Variants in FTCDNL1 observed in about 807,000 individuals in gnomAD.
The protein encoded by FTCDNL1 is formiminotransferase cyclodeaminase N-terminal like.
Under a neutral mutation model 5.9 loss-of-function variants are expected in FTCDNL1, and 11 were observed. The ratio of observed to expected loss-of-function variants is 1.87; its 90% CI spans 1.18 to 3.10. The LOEUF is 3.10. Ranked by LOEUF, FTCDNL1 falls within the 30% of genes most tolerant of loss-of-function variation. The probability of loss-of-function intolerance (pLI) is 0.00; values close to 1 mark genes in which losing one functional copy is unlikely to be tolerated. For missense variants in FTCDNL1, 115 were observed against 65.5 expected (o/e 1.76, Z -2.61); for synonymous variants, 58 against 24.8 (o/e 2.34, Z -3.99).
At chr2:199,833,057 C>T (rs1187173239) in intron 3 of FTCDNL1, among the ~76,000 whole-genome samples, 1 of 151,800 alleles carries the variant, frequency 6.6e-6, no homozygotes, top group Admixed American at 6.6e-5. Flanking sequence ...GCAGCCTTGC[C>T]TTCCAGACTC....
intron 3 of FTCDNL1, among the ~76,000 whole-genome samples, chr2:199,822,419 C>CA (rs770951404): frequency 6.6e-6 from 1 of 152,038 alleles, no homozygotes; most frequent in Non-Finnish European, 1.5e-5. Context: ...AAACCAAAAA[C>CA]TTTTTTGCTA....
At chr2:199,671,326 G>A in the FTCDNL1 span, among the ~76,000 whole-genome samples, 2 of 152,086 alleles carry the variant, frequency 1.3e-5, no homozygotes, top group Non-Finnish European at 2.9e-5. Flanking sequence ...TGGCAAAAGG[G>A]AGAGTTCTTG....
At chr2:199,838,526 T>C (rs1702914719) in intron 3 of FTCDNL1, among the ~76,000 whole-genome samples, 1 of 151,378 alleles carries the variant, frequency 6.6e-6, no homozygotes, top group Non-Finnish European at 1.5e-5. Flanking sequence ...GCAGAGAAAA[T>C]GTGTGAGGGG....
intron 3 of FTCDNL1, among the ~76,000 whole-genome samples, chr2:199,799,872 A>T (rs1700357618): frequency 6.6e-6 from 1 of 152,174 alleles, no homozygotes; most frequent in Admixed American, 6.5e-5. Context: ...TGAGAAAGAA[A>T]GTGCTTGAGG....
the FTCDNL1 span, among the ~76,000 whole-genome samples, chr2:199,750,526 T>G: frequency 6.6e-6 from 1 of 152,120 alleles, no homozygotes; most frequent in Non-Finnish European, 1.5e-5. Flanking sequence ...TTCCCACACC[T>G]AACTGGTTCT....
the FTCDNL1 span, among the ~76,000 whole-genome samples, chr2:199,694,504 A>G: frequency 6.6e-6 from 1 of 152,090 alleles, no homozygotes; most frequent in African/African-American, 2.4e-5. Flanking sequence ...TATTGCTTCA[A>G]TAATGCTACA....
In FTCDNL1 at chr2:199,776,747, C is replaced by T. The variant is rs548554384; in HGVS notation, c.212-15912G>A. The stretch of plus-strand genomic sequence containing the variant: ...AAGACTGATGATTCCACATACAACA[C>T]TAAAAAGGTACAGAAAAGTTTGTTA... On this transcript the variant is annotated intron_variant, in intron 3 of 3. Transcript: ENST00000416668. Among the ~76,000 whole-genome samples the T allele has an allele frequency of 1.6e-3, 250 of 152,098 alleles. 1 individual carries two copies. The highest frequency in any genetic ancestry group is 2.9e-3 in the Non-Finnish European group (200 of 67,984).
intron 3 of FTCDNL1, among the ~76,000 whole-genome samples, chr2:199,784,150 A>G (rs1320440854): frequency 6.6e-6 from 1 of 152,144 alleles, no homozygotes; most frequent in African/African-American, 2.4e-5. Context: ...CAGGAGATGA[A>G]AGAGTCTTTA....
downstream of FTCDNL1, among the ~76,000 whole-genome samples, chr2:199,757,791 T>A (rs889894137): frequency 2.0e-5 from 3 of 152,184 alleles, no homozygotes; most frequent in African/African-American, 7.2e-5. Flanking sequence ...ACTGTCCAGA[T>A]GGGCATTAAA....
chr2:199,780,401 C>T (rs1288804890), intron 3 of FTCDNL1, among the ~76,000 whole-genome samples: 1 of 152,160 alleles, frequency 6.6e-6, no homozygotes, highest in Non-Finnish European at 1.5e-5. Context: ...CTGGCAGCAC[C>T]CCACACCTCA....
chr2:199,818,286 G>A (rs572348376), intron 4 of FTCDNL1: 1 of 152,272 alleles, frequency 6.6e-6, no homozygotes, highest in African/African-American at 2.4e-5. Context: ...CAAATCATGG[G>A]AAAATATGTG....
rs1214114089 is a variant in FTCDNL1 at position 199,773,008 on chromosome 2, G to GGT, written c.212-12175_212-12174dup. Reference sequence around the variant, plus strand: ...CTGTTAACCTGTTTTGTTTGTTTGTGGTTTTCTTGTCTTTTTTGTTTGGCC... The same window carrying GGT: ...CTGTTAACCTGTTTTGTTTGTTTGTGGTGTTTTCTTGTCTTTTTTGTTTGGCC... On this transcript the variant is annotated intron_variant, in intron 3 of 3. Transcript: ENST00000416668. Among the ~76,000 whole-genome samples, 3 of 152,030 alleles carry GGT rather than the reference G, an allele frequency of 2.0e-5. No homozygotes were observed. The East Asian group carries it at 5.8e-4, about 29-fold the overall frequency.
At chr2:199,724,645 G>A in the FTCDNL1 span, among the ~76,000 whole-genome samples, 1 of 152,036 alleles carries the variant, frequency 6.6e-6, no homozygotes, top group African/African-American at 2.4e-5. Flanking sequence ...TATTTACCCA[G>A]GAGTCATTCA....
intron 3 of FTCDNL1, among the ~76,000 whole-genome samples, chr2:199,763,325 C>T (rs192320493): frequency 4.6e-5 from 7 of 152,244 alleles, no homozygotes; most frequent in African/African-American, 1.4e-4. Flanking sequence ...GTAGTGTGCA[C>T]CAAGTTTTGC....
At chr2:199,719,370 G>C in the FTCDNL1 span, among the ~76,000 whole-genome samples, 2 of 151,822 alleles carry the variant, frequency 1.3e-5, no homozygotes, top group Non-Finnish European at 2.9e-5. Flanking sequence ...CCTTATTTTC[G>C]GGTTCCTATT....
In FTCDNL1 at chr2:199,840,858, A is replaced by G. The variant is rs901794426; in HGVS notation, c.211+5217T>C. On this transcript the variant is annotated intron_variant, in intron 3 of 4. Coordinates refer to ENST00000420128, the MANE Select transcript of FTCDNL1 (RefSeq NM_001363886.2). Reference sequence around the variant, plus strand: ...AGAGAGAGAAGGAGGAAAGGAAATAATTTTAGAGACCTGGCTAGGGGCAGT... The same window carrying G: ...AGAGAGAGAAGGAGGAAAGGAAATAGTTTTAGAGACCTGGCTAGGGGCAGT... Among the ~76,000 whole-genome samples the G allele has an allele frequency of 5.9e-5, 9 of 152,204 alleles. No homozygotes were observed. The South Asian group carries it at 1.7e-3, about 28-fold the overall frequency.
chr2:199,832,570 A>G (rs1436668165), intron 3 of FTCDNL1, among the ~76,000 whole-genome samples: 1 of 152,212 alleles, frequency 6.6e-6, no homozygotes, highest in East Asian at 1.9e-4. Context: ...AGCTGAAAGC[A>G]CTTCAGACAT....
chr2:199,726,208 G>A, the FTCDNL1 span, among the ~76,000 whole-genome samples: 242 of 152,170 alleles, frequency 1.6e-3, no homozygotes, highest in Middle Eastern at 3.4e-3. Context: ...GCATTGTGAC[G>A]TTCTCGTGTT....
the FTCDNL1 span, among the ~76,000 whole-genome samples, chr2:199,737,716 C>T: frequency 6.6e-6 from 1 of 152,106 alleles, no homozygotes; most frequent in African/African-American, 2.4e-5. Context: ...CTTAGAAGGC[C>T]CCACACTTGG....
Sources: gnomAD v4.1 joint callset for allele counts (sites outside exome capture counted in the v4.1 genomes callset) on GRCh38, gnomAD v4.1.1 for gene constraint, MANE v1.5 for transcripts, NCBI Gene and HGNC (gene_info 2026-07-23, HGNC 2026-07-21) for gene names.